Variants in EXOC6B observed in about 807,000 individuals in gnomAD.
EXOC6B encodes the protein SEC15 homolog B.
In EXOC6B, 54 loss-of-function variants were observed where a neutral mutation model predicts 113.5. The observed-to-expected ratio is 0.48, with a 90% confidence interval of 0.38 to 0.60. The LOEUF is 0.60. EXOC6B is among the 20% of genes least tolerant of loss of function. The pLI, the probability that EXOC6B is intolerant of heterozygous loss-of-function variation, is 0.00. For synonymous variants in EXOC6B, 357 were observed against 339.0 expected (o/e 1.05, Z -0.58); for missense variants, 797 against 977.5 (o/e 0.82, Z 2.46).
intron 6 of EXOC6B, among the ~76,000 whole-genome samples, chr2:72,611,442 G>T (rs1671069112): frequency 6.6e-6 from 1 of 151,846 alleles, no homozygotes; most frequent in Admixed American, 6.6e-5. Context: ...AGACTGACAA[G>T]ACATGATAAC....
At chr2:72,798,829 C>T (rs1685120714) in intron 1 of EXOC6B, among the ~76,000 whole-genome samples, 1 of 152,012 alleles carries the variant, frequency 6.6e-6, no homozygotes, top group South Asian at 2.1e-4. Flanking sequence ...AAAATAAAAG[C>T]CTGTGCAACT....
chr2:72,741,942 T>C (rs1681351089), intron 1 of EXOC6B, among the ~76,000 whole-genome samples: 1 of 152,182 alleles, frequency 6.6e-6, no homozygotes, highest in African/African-American at 2.4e-5. Flanking sequence ...CATTCCCCCA[T>C]CTCACATCCC....
At chr2:72,404,151 G>C (rs550503994) in intron 18 of EXOC6B, among the ~76,000 whole-genome samples, 3 of 152,304 alleles carry the variant, frequency 2.0e-5, no homozygotes, top group Admixed American at 2.0e-4. Context: ...AGGCAGCGGG[G>C]AGGCTGGGGG....
intron 18 of EXOC6B, among the ~76,000 whole-genome samples, chr2:72,442,437 T>C (rs1010094676): frequency 1.3e-5 from 2 of 152,090 alleles, no homozygotes; most frequent in African/African-American, 2.4e-5. Flanking sequence ...ATAAAGGGCA[T>C]TGAAATAGTC....
At chr2:72,201,546 G>C (rs547434942) in intron 20 of EXOC6B, among the ~76,000 whole-genome samples, 2 of 152,168 alleles carry the variant, frequency 1.3e-5, no homozygotes, top group African/African-American at 4.8e-5. Context: ...CTCTTAATGA[G>C]ATAACTGAAA....
chr2:72,190,318 G>T (rs566067747), intron 20 of EXOC6B, among the ~76,000 whole-genome samples: 24 of 152,138 alleles, frequency 1.6e-4, no homozygotes, highest in African/African-American at 5.3e-4. Context: ...AAGTTACTTA[G>T]GTTAGTATTT....
chr2:72,233,028 T>C (rs1167112790), intron 20 of EXOC6B, among the ~76,000 whole-genome samples: 2 of 150,102 alleles, frequency 1.3e-5, no homozygotes, highest in Non-Finnish European at 3.0e-5. Context: ...GCCGAGACCA[T>C]GCCACTGCAC....
chr2:72,685,062 G>C (rs1377791592), intron 6 of EXOC6B, among the ~76,000 whole-genome samples: 1 of 152,060 alleles, frequency 6.6e-6, no homozygotes, highest in Non-Finnish European at 1.5e-5. Flanking sequence ...GTGTACCTAG[G>C]TCTCAAACTC....
intron 1 of EXOC6B, among the ~76,000 whole-genome samples, chr2:72,812,992 C>T (rs1686007899): frequency 1.3e-5 from 2 of 152,034 alleles, no homozygotes; most frequent in African/African-American, 4.8e-5. Flanking sequence ...ATTTGCAAAC[C>T]ACATATCCAA....
intron 7 of EXOC6B, among the ~76,000 whole-genome samples, chr2:72,565,349 T>TAAAAAAA (rs10672375): frequency 1.6e-4 from 7 of 45,150 alleles, no homozygotes; most frequent in Admixed American, 2.6e-4. Flanking sequence ...AGACCCTGTC[T>TAAAAAAA]AAAAAAAAAA....
intron 18 of EXOC6B, among the ~76,000 whole-genome samples, chr2:72,401,574 T>TATATATAC (rs1208452642): frequency 3.8e-5 from 1 of 26,310 alleles, no homozygotes; most frequent in Non-Finnish European, 5.8e-5. Context: ...TACATATATA[T>TATATATAC]ATATATACAT....
chr2:72,529,109 C>A (rs539616964), intron 8 of EXOC6B, among the ~76,000 whole-genome samples: 3 of 152,248 alleles, frequency 2.0e-5, no homozygotes, highest in African/African-American at 7.2e-5. Flanking sequence ...AGAGCAGATA[C>A]TTTTGCTTTG....
chr2:72,408,666 T>G (rs574642059), intron 18 of EXOC6B, among the ~76,000 whole-genome samples: 61 of 152,174 alleles, frequency 4.0e-4, no homozygotes, highest in Non-Finnish European at 7.8e-4. Flanking sequence ...TAGCCATATG[T>G]AGAAAGCTGA....
chr2:72,748,650 T>C (rs765438998), intron 1 of EXOC6B, among the ~76,000 whole-genome samples: 6 of 152,012 alleles, frequency 3.9e-5, no homozygotes, highest in Non-Finnish European at 8.8e-5. Context: ...TACCAAGGTA[T>C]CCAACTGGCT....
At chr2:72,334,122 T>C (rs1572928480) in intron 20 of EXOC6B, among the ~76,000 whole-genome samples, 1 of 151,816 alleles carries the variant, frequency 6.6e-6, no homozygotes, top group Non-Finnish European at 1.5e-5. Flanking sequence ...CAGTCATTGA[T>C]TCTTACTTCA....
intron 6 of EXOC6B, among the ~76,000 whole-genome samples, chr2:72,589,597 GT>G (rs1458887925): frequency 6.6e-6 from 1 of 151,936 alleles, no homozygotes; most frequent in African/African-American, 2.4e-5. Flanking sequence ...GGATATGCAG[GT>G]CTATCTGGTA....
intron 18 of EXOC6B, among the ~76,000 whole-genome samples, chr2:72,433,621 C>G (rs1318705147): frequency 6.6e-6 from 1 of 152,170 alleles, no homozygotes; most frequent in Non-Finnish European, 1.5e-5. Context: ...AGGTCCTTCA[C>G]ATCCCTTGTA....
chr2:72,491,778 T>A (rs1017515910), intron 16 of EXOC6B, among the ~76,000 whole-genome samples: 9 of 152,130 alleles, frequency 5.9e-5, no homozygotes, highest in African/African-American at 1.9e-4. Context: ...TTTCTACACA[T>A]TCCCTTGATC....
chr2:72,342,481 A>T (rs916360141), intron 19 of EXOC6B, among the ~76,000 whole-genome samples: 2 of 152,196 alleles, frequency 1.3e-5, no homozygotes, highest in East Asian at 3.8e-4. Context: ...AACCACAATA[A>T]GATAAAACCA....
Sources: gnomAD v4.1 joint callset for allele counts (sites outside exome capture counted in the v4.1 genomes callset) on GRCh38, gnomAD v4.1.1 for gene constraint, MANE v1.5 for transcripts, NCBI Gene and HGNC (gene_info 2026-07-23, HGNC 2026-07-21) for gene names.